Variants in TNIP1 observed in about 807,000 individuals in gnomAD.
TNIP1 encodes TNFAIP3-interacting protein 1.
In TNIP1, 22 loss-of-function variants were observed where a neutral mutation model predicts 86.6. The ratio of observed to expected loss-of-function variants is 0.25; its 90% confidence interval spans 0.18 to 0.36. The LOEUF is 0.36. Ranked by LOEUF, TNIP1 falls within the 10% of genes least tolerant of loss-of-function variation. The probability of loss-of-function intolerance (pLI) is 1.00; values close to 1 mark genes in which losing one functional copy is unlikely to be tolerated. For missense variants in TNIP1, 709 were observed against 820.6 expected (o/e 0.86, Z 1.66); for synonymous variants, 294 against 313.0 (o/e 0.94, Z 0.64).
At chr5:151,066,962 G>A (rs1040322692) in intron 1 of TNIP1, among the ~76,000 whole-genome samples, 9 of 152,280 alleles carry the variant, frequency 5.9e-5, no homozygotes, top group Admixed American at 3.9e-4. Context: ...GTCCAAGAGC[G>A]TCCATAGGAT....
Position 151,039,170 on chromosome 5 carries a change from T to A in TNIP1, c.1190A>T (p.Tyr397Phe). Residue 397 changes from tyrosine to phenylalanine, a missense_variant, in exon 12 of 18, where the codon TAC (tyrosine) becomes TTC (phenylalanine). By Grantham distance (22) the Tyr-to-Phe change is conservative. Transcript: ENST00000521591. The stretch of plus-strand genomic sequence containing the variant: ...GAGTGGGCTCAGCTGATCCTGCAGG[T>A]ACTTGACCTTTTGGCGCAGCTCCTT... ...EAKELRQKVK[Y>F]LQDQLSPLTR... The A allele has an allele frequency of 6.2e-7, 1 of 1,613,944 alleles. No individual in the cohort carries two copies. Among genetic ancestry groups the A allele is most frequent in the Non-Finnish European group, 8.5e-7 (1 of 1,179,952 alleles).
At chr5:151,078,991 G>A (rs1191153063) in intron 1 of TNIP1, among the ~76,000 whole-genome samples, 1 of 152,158 alleles carries the variant, frequency 6.6e-6, no homozygotes, top group African/African-American at 2.4e-5. Flanking sequence ...GCTTCCTGGG[G>A]CCCCGAAAAA....
intron 1 of TNIP1, among the ~76,000 whole-genome samples, chr5:151,069,012 G>A (rs1048214451): frequency 2.6e-5 from 4 of 152,198 alleles, no homozygotes; most frequent in South Asian, 4.1e-4. Flanking sequence ...GGGGCTGCCC[G>A]CTGGAACCAG....
chr5:151,082,415 T>C (rs1332469970), upstream of TNIP1, among the ~76,000 whole-genome samples: 1 of 152,180 alleles, frequency 6.6e-6, no homozygotes, highest in Non-Finnish European at 1.5e-5. Flanking sequence ...AAACTGGGAA[T>C]CCTGGCCCTG....
upstream of TNIP1, chr5:151,081,067 G>A (rs1465647760): frequency 6.6e-6 from 1 of 152,218 alleles, no homozygotes; most frequent in African/African-American, 2.4e-5. Context: ...CCCACCCCTG[G>A]GAAAGTCCCC....
chr5:151,032,171 G>A (rs1053688247), intron 17 of TNIP1, 116 bp downstream of exon 17: 3 of 834,170 alleles, frequency 3.6e-6, no homozygotes, highest in African/African-American at 3.5e-5. Context: ...TGGAAAGCTG[G>A]GCCTCTCCTC....
chr5:151,039,058 A>C, intron 12 of TNIP1, 39 bp downstream of exon 12: 3 of 1,598,002 alleles, frequency 1.9e-6, no homozygotes, highest in South Asian at 1.1e-5. Flanking sequence ...AGCTGGACTC[A>C]AGGGAGCCCA....
intron 1 of TNIP1, among the ~76,000 whole-genome samples, chr5:151,073,845 G>A (rs919705139): frequency 1.3e-5 from 2 of 152,080 alleles, no homozygotes; most frequent in Admixed American, 6.6e-5. Flanking sequence ...GCTACAGTGA[G>A]CTATGATCAT....
intron 8 of TNIP1, among the ~76,000 whole-genome samples, chr5:151,047,908 G>C (rs1759387395): frequency 6.6e-6 from 1 of 151,962 alleles, no homozygotes; most frequent in Non-Finnish European, 1.5e-5. Flanking sequence ...CATCATCCTG[G>C]AGTCAGATTC....
At chr5:151,044,763 C>G (rs1262783042) in intron 9 of TNIP1, among the ~76,000 whole-genome samples, 2 of 152,022 alleles carry the variant, frequency 1.3e-5, no homozygotes, top group Non-Finnish European at 2.9e-5. Context: ...CTGGACTAGA[C>G]TGGGGGTGTG....
At chr5:151,037,940 G>A (rs561174116) in intron 12 of TNIP1, among the ~76,000 whole-genome samples, 1 of 152,298 alleles carries the variant, frequency 6.6e-6, no homozygotes, top group South Asian at 2.1e-4. Context: ...AAAGACTGAG[G>A]TCCAGCGACA....
At chr5:151,079,989 A>C (rs554441776) in intron 1 of TNIP1, 1 of 152,354 alleles carries the variant, frequency 6.6e-6, no homozygotes, top group African/African-American at 2.4e-5. Context: ...GTCATTCTGC[A>C]AGGGGGTGGG....
chr5:151,055,911 G>A (rs975420278), intron 6 of TNIP1, among the ~76,000 whole-genome samples: 2 of 152,134 alleles, frequency 1.3e-5, no homozygotes, highest in Non-Finnish European at 2.9e-5. Context: ...AATTATAACT[G>A]AACACTTCCC....
intron 17 of TNIP1, 185 bp downstream of exon 17, chr5:151,032,102 T>G (rs1042625455): frequency 8.4e-6 from 5 of 598,718 alleles, no homozygotes; most frequent in Non-Finnish European, 1.5e-5. Context: ...TGCACTAGAA[T>G]GAATGGTTTC....
intron 1 of TNIP1, 126 bp downstream of exon 1, chr5:151,080,739 ACGCCCCGGGACCCCG>A (rs1763930056): frequency 1.3e-5 from 2 of 152,262 alleles, no homozygotes; most frequent in African/African-American, 2.4e-5. Context: ...GCTGGCGGAG[ACGCCCCGGGACCCCG>A]CGCGCCGGGC....
At chr5:151,043,636 A>G (rs1758746113) in intron 9 of TNIP1, among the ~76,000 whole-genome samples, 1 of 152,124 alleles carries the variant, frequency 6.6e-6, no homozygotes, top group African/African-American at 2.4e-5. Context: ...TTAGCCGGGC[A>G]TGGTGGCACG....
chr5:151,034,928 G>T, intron 15 of TNIP1, 74 bp downstream of exon 15: 1 of 1,545,008 alleles, frequency 6.5e-7, no homozygotes, highest in Non-Finnish European at 8.9e-7. Context: ...AGCACACACT[G>T]TGCATCCATC....
Sources: gnomAD v4.1 joint callset for allele counts (sites outside exome capture counted in the v4.1 genomes callset) on GRCh38, gnomAD v4.1.1 for gene constraint, MANE v1.5 for transcripts, NCBI Gene and HGNC (gene_info 2026-07-23, HGNC 2026-07-21) for gene names.